The following OR7D2 variants were observed in gnomAD, a reference collection of about 807,000 sequenced individuals.
The protein encoded by OR7D2 is olfactory receptor 7D2.
For missense variants in OR7D2, 370 were observed against 384.1 expected (o/e 0.96, Z 0.31); for synonymous variants, 158 against 158.7 (o/e 1.00, Z 0.03).
At chr19:9,184,773 GTA>G (rs1423521843) in intron 2 of OR7D2, among the ~76,000 whole-genome samples, 4 of 151,950 alleles carry the variant, frequency 2.6e-5, no homozygotes, top group South Asian at 2.1e-4. Context: ...GTATGTGTGT[GTA>G]TATATATGTA....
chr19:9,182,890 A>G, intron 2 of OR7D2: 1 of 357,572 alleles, frequency 2.8e-6, no homozygotes, highest in Non-Finnish European at 5.6e-6. Flanking sequence ...CTTCGTTCTC[A>G]GCAAATTGAC....
chr19:9,186,132 G>C lies in OR7D2; in HGVS notation c.351G>C (p.Val117=). Residue 117 remains valine (V), a synonymous_variant, in exon 3 of 3, where the codon GTG becomes GTC. Coordinates refer to ENST00000641288, the MANE Select transcript of OR7D2 (RefSeq NM_175883.4). ...TTCTGGACACGCTACTCCTGACCGT[G>C]ATGGCCTATGACCGGTTTGTGGCTG... ...FPILDTLLLT[V]MAYDRFVAVC... is the part of the protein sequence containing the mutation. 1.2e-6 allele frequency: 2 copies of C among 1,614,080 alleles called. No individual in the cohort carries two copies. Among genetic ancestry groups the C allele is most frequent in the South Asian group, 2.2e-5 (2 of 91,078 alleles).
At chr19:9,182,932 C>T (rs945077401) in intron 2 of OR7D2, 7 of 436,258 alleles carry the variant, frequency 1.6e-5, no homozygotes, top group Middle Eastern at 6.5e-4. Context: ...TTATCGTGCC[C>T]GATGTTAATG....
intron 2 of OR7D2, among the ~76,000 whole-genome samples, chr19:9,181,249 T>C (rs1294734895): frequency 6.6e-6 from 1 of 150,544 alleles, no homozygotes; most frequent in Non-Finnish European, 1.5e-5. Context: ...ATTAGTAATA[T>C]AGTAATTAGT....
rs575527280 is a variant in OR7D2 at position 9,179,136 on chromosome 19, A to C, written c.-105+13A>C. ...TTTTTCAAGCAATGTCAGTTGAGTGACTCACACTATCCTTGTTAGTACCGT... is the reference window on the plus strand; with the variant it reads ...TTTTTCAAGCAATGTCAGTTGAGTGCCTCACACTATCCTTGTTAGTACCGT... On this transcript the variant is annotated intron_variant, in intron 1 of 2. Transcript: ENST00000641288. The C allele has an allele frequency of 6.6e-6, 1 of 152,072 alleles. No individual in the cohort carries two copies. The highest frequency in any genetic ancestry group is 2.1e-4 in the South Asian group (1 of 4,822). The allele number at this position is 152,072 out of a possible 1,614,324, so 9.4% of individuals were successfully genotyped here. A position where few individuals can be genotyped will look rare whatever the true frequency, so the allele number is the denominator to read the frequency against.
chr19:9,186,505 G>A lies in OR7D2; in HGVS notation c.724G>A (p.Gly242Arg), dbSNP rs974899970. ...AAAACAAAAAGCACTTTCCACCTGTGGGTCTCACCTCTCCGTCGTTTCTTT... is the reference window on the plus strand; with the variant it reads ...AAAACAAAAAGCACTTTCCACCTGTAGGTCTCACCTCTCCGTCGTTTCTTT... ...GGKQKALSTC[G>R]SHLSVVSLFY... The change falls in exon 3 of 3, where the codon GGG (glycine) becomes AGG (arginine). Residue 242 changes from glycine (G) to arginine (R), a missense_variant. Gly to Arg is a moderately radical substitution (Grantham distance 125, BLOSUM62 -2). Coordinates refer to ENST00000641288, the MANE Select transcript of OR7D2 (RefSeq NM_175883.4). 1.9e-6 allele frequency: 3 copies of A among 1,614,006 alleles called. No individual in the cohort carries two copies. The Admixed American group carries it at 5.0e-5, about 27-fold the overall frequency.
chr19:9,185,391 G>T (rs1356049442), intron 2 of OR7D2, among the ~76,000 whole-genome samples: 5 of 151,594 alleles, frequency 3.3e-5, no homozygotes, highest in African/African-American at 4.8e-5. Flanking sequence ...ACGTATGAAA[G>T]ATTAGACAAA....
rs1452994532 is a variant in OR7D2, at chr19:9,186,257, A to G, written c.476A>G (p.His159Arg). ...WLIGVMTSLL[H>R]ISLMMHLIFC... ...ATTGGTGTCATGACATCCCTCCTCC[A>G]TATTTCTCTGATGATGCATCTAATC... Residue 159 changes from histidine (H) to arginine (R), a missense_variant, in exon 3 of 3, where the codon CAT becomes CGT. Coordinates refer to ENST00000641288, the MANE Select transcript of OR7D2 (RefSeq NM_175883.4). 3.1e-6 allele frequency: 5 copies of G among 1,613,930 alleles called. No individual in the cohort carries two copies. The highest frequency in any genetic ancestry group is 2.2e-5 in the South Asian group (2 of 91,060).
intron 2 of OR7D2, among the ~76,000 whole-genome samples, chr19:9,185,269 GT>G (rs1306791877): frequency 1.3e-5 from 2 of 151,922 alleles, no homozygotes; most frequent in African/African-American, 4.8e-5. Context: ...CTATCTATAT[GT>G]ATCTCATAAC....
At chr19:9,182,383 T>A (rs1599209831) in intron 2 of OR7D2, 1 of 282,828 alleles carries the variant, frequency 3.5e-6, no homozygotes, top group East Asian at 8.0e-5. Flanking sequence ...TCTAGGAAGT[T>A]CGCAGCCATC....
intron 2 of OR7D2, among the ~76,000 whole-genome samples, chr19:9,181,715 G>A (rs1276242102): frequency 6.6e-6 from 1 of 152,110 alleles, no homozygotes; most frequent in African/African-American, 2.4e-5. Flanking sequence ...GCCTCACAAA[G>A]TGCTGGGATC....
chr19:9,181,689 A>C (rs145179554), intron 2 of OR7D2, among the ~76,000 whole-genome samples: 114 of 152,262 alleles, frequency 7.5e-4, no homozygotes, highest in Non-Finnish European at 1.5e-3. Flanking sequence ...TGCTAAACTC[A>C]AACGATACTC....
chr19:9,186,593 T>A lies in OR7D2; in HGVS notation c.812T>A (p.Ile271Asn), dbSNP rs1470600256. 6.2e-7 allele frequency: 1 copy of A among 1,611,704 alleles called. No homozygotes were observed. The highest frequency in any genetic ancestry group is 1.7e-5 in the Admixed American group (1 of 59,822). ...GCGGTGACTCACTCTTCCCAGAAAA[T>A]CTCCGTGGCCTCGGTGATGTACACT... ...TSAVTHSSQK[I>N]SVASVMYTVV... Residue 271 changes from isoleucine to asparagine, a missense_variant, in exon 3 of 3, where the codon ATC becomes AAC. Ile to Asn is a moderately radical substitution (Grantham distance 149). Coordinates refer to ENST00000641288, the MANE Select transcript of OR7D2 (RefSeq NM_175883.4).
chr19:9,180,987 T>C (rs1355438315), intron 2 of OR7D2, among the ~76,000 whole-genome samples, 199 bp downstream of exon 2: 1 of 151,808 alleles, frequency 6.6e-6, no homozygotes, highest in African/African-American at 2.4e-5. Flanking sequence ...TAGCCGGGTG[T>C]GGTGGCGAGC....
intron 2 of OR7D2, among the ~76,000 whole-genome samples, chr19:9,181,036 G>A (rs201842448): frequency 1.3e-5 from 2 of 151,804 alleles, no homozygotes; most frequent in Admixed American, 6.6e-5. Flanking sequence ...GAGGTGGGAG[G>A]ATCGCTTAAG....
rs2050972567 is a variant in OR7D2 at position 9,179,027 on chromosome 19, G to A, written c.-201G>A. The A allele has an allele frequency of 6.6e-6, 1 of 151,972 alleles. No homozygotes were observed. The allele number at this position is 151,972 out of a possible 1,614,324, so 9.4% of individuals were successfully genotyped here. On this transcript the variant is annotated 5_prime_UTR_variant, in exon 1 of 3. Transcript: ENST00000641288. ...GAGAGTTAGGATGACTTCATGACAA[G>A]TTCCATCTCCCCGCCTTTCCCTGCT...
intron 2 of OR7D2, chr19:9,182,418 G>A (rs1258804322): frequency 9.4e-6 from 3 of 318,180 alleles, no homozygotes; most frequent in East Asian, 7.7e-5. Flanking sequence ...AATTTCAGGC[G>A]CAACTGGGAA....
At chr19:9,180,988 G>A (rs1227092453) in intron 2 of OR7D2, among the ~76,000 whole-genome samples, 200 bp downstream of exon 2, 1 of 151,942 alleles carries the variant, frequency 6.6e-6, no homozygotes, top group African/African-American at 2.4e-5. Flanking sequence ...AGCCGGGTGT[G>A]GTGGCGAGCA....
At position 9,186,784 on chromosome 19, in the gene OR7D2, G is replaced by A. The variant is rs1424536268; in HGVS notation, c.*64G>A. On this transcript the variant is annotated 3_prime_UTR_variant, in exon 3 of 3. Transcript: ENST00000641288. ...ACCAATGGCAAAAATGTTTTATTTTGAAATTCTTACTCTTTAAAATTAAAA... is the reference window on the plus strand; with the variant it reads ...ACCAATGGCAAAAATGTTTTATTTTAAAATTCTTACTCTTTAAAATTAAAA... 5.3e-6 allele frequency: 6 copies of A among 1,124,724 alleles called. No homozygotes were observed. Among genetic ancestry groups the A allele is most frequent in the Non-Finnish European group, 7.6e-6 (6 of 791,384 alleles). 69.7% of individuals were successfully genotyped at this position (1,124,724 alleles called of 1,614,324 possible). A position where few individuals can be genotyped will look rare whatever the true frequency, so the allele number is the denominator to read the frequency against.
Sources: gnomAD v4.1 joint callset for allele counts (sites outside exome capture counted in the v4.1 genomes callset) on GRCh38, gnomAD v4.1.1 for gene constraint, MANE v1.5 for transcripts, NCBI Gene and HGNC (gene_info 2026-07-23, HGNC 2026-07-21) for gene names.